Variants in DAO observed in about 807,000 individuals in gnomAD.
DAO encodes the protein D-amino-acid oxidase.
DAO carries 51 observed loss-of-function variants against 50.1 expected under a neutral mutation model. The observed-to-expected ratio is 1.02, with a 90% CI of 0.81 to 1.29. DAO has a LOEUF of 1.29. DAO is among the 50% of genes most tolerant of loss of function. The pLI is 0.00. For missense variants in DAO, 436 were observed against 439.4 expected (o/e 0.99, Z 0.07); for synonymous variants, 160 against 166.2 (o/e 0.96, Z 0.29).
chr12:108,890,116 A>G, intron 4 of DAO, 92 bp from the exon 5 acceptor site: 1 of 1,122,018 alleles, frequency 8.9e-7, no homozygotes, highest in South Asian at 1.3e-5. Flanking sequence ...TTGGGCCCAC[A>G]GAACAACATT....
At chr12:108,881,199 A>ACACACACACACAC (rs2039374289) in intron 1 of DAO, among the ~76,000 whole-genome samples, 2 of 75,900 alleles carry the variant, frequency 2.6e-5, no homozygotes, top group Admixed American at 1.3e-4. Context: ...CACACACACA[A>ACACACACACACAC]ATATAATAAT....
chr12:108,895,231 G>A (rs1470909013), intron 7 of DAO, among the ~76,000 whole-genome samples: 1 of 152,106 alleles, frequency 6.6e-6, no homozygotes, highest in Non-Finnish European at 1.5e-5. Context: ...TCCTCTTGCT[G>A]TGTGTGTGCA....
At chr12:108,887,656 G>A (rs560427394) in intron 3 of DAO, 92 bp downstream of exon 3, 341 of 911,372 alleles carry the variant, frequency 3.7e-4, no homozygotes, top group African/African-American at 2.4e-3. Context: ...AGATGAGGGC[G>A]GGGTGCTTTG....
At chr12:108,891,953 G>A (rs1445554599) in intron 5 of DAO, among the ~76,000 whole-genome samples, 2 of 151,836 alleles carry the variant, frequency 1.3e-5, no homozygotes, top group African/African-American at 2.4e-5. Flanking sequence ...GCCATGTTTG[G>A]GAATCATTGT....
intron 7 of DAO, among the ~76,000 whole-genome samples, chr12:108,896,326 C>T (rs935698227): frequency 4.7e-4 from 68 of 144,776 alleles, no homozygotes; most frequent in African/African-American, 1.6e-3. Flanking sequence ...GGGAGGCTGA[C>T]GCAGGAGAAT....
At chr12:108,885,424 C>T (rs746715076) in intron 2 of DAO, among the ~76,000 whole-genome samples, 8 of 152,008 alleles carry the variant, frequency 5.3e-5, no homozygotes, top group Admixed American at 2.0e-4. Context: ...GCCTGGGCAA[C>T]GTGGTGAAAC....
intron 1 of DAO, 111 bp from the exon 2 acceptor site, chr12:108,884,887 G>T (rs1215212077): frequency 2.0e-6 from 2 of 982,540 alleles, no homozygotes; most frequent in Non-Finnish European, 3.3e-6. Flanking sequence ...AATATAAAAA[G>T]GGCTTGGTGG....
chr12:108,886,759 A>C (rs10778658), intron 2 of DAO, among the ~76,000 whole-genome samples: 117,124 of 152,162 alleles, frequency 0.77, 45,919 homozygotes, highest in East Asian at 0.99. Context: ...AGCCACTGCA[A>C]CCAGCCAGAA....
chr12:108,881,022 C>T (rs1593155293), intron 1 of DAO, among the ~76,000 whole-genome samples: 2 of 152,162 alleles, frequency 1.3e-5, no homozygotes, highest in African/African-American at 2.4e-5. Flanking sequence ...AGAATGAGGG[C>T]GGTAACCTTC....
intron 7 of DAO, among the ~76,000 whole-genome samples, chr12:108,895,274 TG>T (rs2039535967): frequency 6.6e-6 from 1 of 151,150 alleles, no homozygotes; most frequent in African/African-American, 2.4e-5. Context: ...TGTATGTGTG[TG>T]TGTGTATGTA....
rs762653262 is a variant in DAO, at chr12:108,897,016, C to T, written c.623C>T (p.Pro208Leu). 6.2e-7 allele frequency: 1 copy of T among 1,613,828 alleles called. No individual in the cohort carries two copies. Among genetic ancestry groups the T allele is most frequent in the Admixed American group, 1.7e-5 (1 of 60,022 alleles). Reference protein sequence around the residue: ...GRGQIMKVDAPWMKHFILTHD... With the variant: ...GRGQIMKVDALWMKHFILTHD... ...GCCCTGAATCAACAGGTGGACGCCC[C>T]TTGGATGAAGCACTTCATTCTCACC... is the stretch of plus-strand genomic sequence containing the variant. The change falls in exon 8 of 11, where the codon CCT (proline) becomes CTT (leucine). Residue 208 changes from proline (P) to leucine (L), a missense_variant. Transcript: ENST00000228476.
At position 108,898,775 on chromosome 12, in the gene DAO, C is replaced by A. The variant is rs752074397; in HGVS notation, c.792C>A (p.Cys264Ter). ...QDHNTIWEGC[C>*]RLEPTLKNAR... ...ACAACACCATTTGGGAAGGCTGCTG[C>A]AGACTGGAGCCCACACTGAAGGTAA... The change falls in exon 9 of 11, where the codon TGC (cysteine) becomes TGA (stop). Residue 264 changes from cysteine to a stop codon, truncating the protein, a stop_gained. Transcript: ENST00000228476. LOFTEE classifies it high-confidence loss of function. 8.7e-6 allele frequency: 14 copies of A among 1,613,510 alleles called. No individual in the cohort carries two copies. The Admixed American group carries it at 2.3e-4, about 27-fold the overall frequency.
chr12:108,890,211 T>C lies in DAO; in HGVS notation c.390T>C (p.Tyr130=). The C allele has an allele frequency of 6.2e-7, 1 of 1,612,482 alleles. No homozygotes were observed. Among genetic ancestry groups the C allele is most frequent in the Non-Finnish European group, 8.5e-7 (1 of 1,178,508 alleles). ...CTTTTGCTTACTGTGACTCTAGCTA[T>C]GGCTGGTTCCACACAAGCCTAATTC... ...RELDMFPDYG[Y]GWFHTSLILE... Residue 130 remains tyrosine, a synonymous_variant, in exon 5 of 11, where the codon TAT becomes TAC. Transcript: ENST00000228476.
intron 7 of DAO, among the ~76,000 whole-genome samples, chr12:108,895,265 G>A (rs1052874948): frequency 3.3e-5 from 5 of 149,678 alleles, no homozygotes; most frequent in Admixed American, 2.6e-4. Flanking sequence ...GTGTGTGCAT[G>A]TATGTGTGTG....
In DAO at chr12:108,885,119, G is replaced by A. The variant is rs368093324; in HGVS notation, c.113G>A (p.Arg38His). 6.4e-5 allele frequency: 104 copies of A among 1,613,246 alleles called. No homozygotes were observed. The Middle Eastern group carries it at 8.3e-4, about 13-fold the overall frequency. The part of the protein sequence containing the change: ...QPLDIKVYAD[R>H]FTPLTTTDVA... Reference sequence around the variant, plus strand: ...CTGGACATAAAGGTCTACGCGGACCGCTTCACCCCACTCACCACCACCGAC... The same window carrying A: ...CTGGACATAAAGGTCTACGCGGACCACTTCACCCCACTCACCACCACCGAC... Residue 38 changes from arginine to histidine, a missense_variant, in exon 2 of 11, where the codon CGC (arginine) becomes CAC (histidine). Transcript: ENST00000228476.
chr12:108,885,569 C>T (rs2039427883), intron 2 of DAO, among the ~76,000 whole-genome samples: 1 of 151,892 alleles, frequency 6.6e-6, no homozygotes, highest in Admixed American at 6.6e-5. Flanking sequence ...GAGATTCCGC[C>T]ACTGCACTCG....
At chr12:108,885,886 C>T (rs2039431625) in intron 2 of DAO, among the ~76,000 whole-genome samples, 1 of 152,190 alleles carries the variant, frequency 6.6e-6, no homozygotes, top group Non-Finnish European at 1.5e-5. Flanking sequence ...TCCCAAGTAA[C>T]TGGGATTACA....
Position 108,897,060 on chromosome 12 carries a change from AT to A in DAO, c.668del (p.Ile223ThrfsTer28). On this transcript the variant is annotated frameshift_variant, in exon 8 of 11. Coordinates refer to ENST00000228476, the MANE Select transcript of DAO (RefSeq NM_001917.5). LOFTEE classifies it high-confidence loss of function. ...FILTHDPERGIYNSPYIIPGT... is the reference protein window; with the variant it reads ...FILTHDPERGXYNSPYIIPGT... ...TCTCACCCATGACCCAGAGAGAGGCATCTACAATTCCCCGTACATCATCCCA... is the reference window on the plus strand; with the variant it reads ...TCTCACCCATGACCCAGAGAGAGGCACTACAATTCCCCGTACATCATCCCA... 1 of 1,613,984 alleles carries A rather than the reference AT, an allele frequency of 6.2e-7. No homozygotes were observed. The highest frequency in any genetic ancestry group is 8.5e-7 in the Non-Finnish European group (1 of 1,179,892).
chr12:108,890,394 C>T (rs886931095), intron 5 of DAO, 121 bp downstream of exon 5: 23 of 761,844 alleles, frequency 3.0e-5, no homozygotes, highest in Non-Finnish European at 5.3e-5. Flanking sequence ...ACCCTTAGGC[C>T]TGGTGTGGGA....
Sources: allele counts gnomAD v4.1 joint callset (sites outside exome capture counted in the v4.1 genomes callset), GRCh38; gene constraint gnomAD v4.1.1; transcripts MANE v1.5; gene names NCBI Gene and HGNC (gene_info 2026-07-23, HGNC 2026-07-21).